Variants in PRH1 observed in about 807,000 individuals in gnomAD.
PRH1 encodes salivary acidic proline-rich phosphoprotein 1/2.
PRH1 carries 7 observed loss-of-function variants against 7.9 expected under a neutral mutation model. The ratio of observed to expected loss-of-function variants is 0.89; its 90% confidence interval spans 0.50 to 1.67. The LOEUF (loss-of-function observed/expected upper bound fraction) is 1.67, where lower values mean the gene tolerates loss of function less well. Ranked by LOEUF, PRH1 falls within the 40% of genes most tolerant of loss-of-function variation. The probability of loss-of-function intolerance (pLI) is 0.00; values close to 1 mark genes in which losing one functional copy is unlikely to be tolerated. For synonymous variants in PRH1, 45 were observed against 80.8 expected (o/e 0.56, Z 2.38); for missense variants, 109 against 223.6 (o/e 0.49, Z 3.27).
chr12:11,070,344 T>C (rs542254954), intron 1 of PRH1, among the ~76,000 whole-genome samples: 1 of 151,900 alleles, frequency 6.6e-6, no homozygotes, highest in African/African-American at 2.4e-5. Flanking sequence ...GTAAACACAC[T>C]GCGCATGCTC....
At chr12:10,988,979 T>C (rs1028630519) in intron 1 of PRH1, among the ~76,000 whole-genome samples, 35 of 152,146 alleles carry the variant, frequency 2.3e-4, no homozygotes, top group African/African-American at 8.5e-4. Context: ...GCTAACTTTT[T>C]GTATTTTTAG....
intron 1 of PRH1, among the ~76,000 whole-genome samples, chr12:11,127,486 C>G (rs144618885): frequency 1.6e-3 from 240 of 152,398 alleles, no homozygotes; most frequent in African/African-American, 5.5e-3. Flanking sequence ...GAGTGAATCC[C>G]AACTTTTCTA....
At chr12:10,949,965 T>C (rs1466736484) in intron 2 of PRH1, among the ~76,000 whole-genome samples, 3 of 152,214 alleles carry the variant, frequency 2.0e-5, no homozygotes, top group Non-Finnish European at 4.4e-5. Context: ...AAACTTCATA[T>C]AAATTGAATT....
In PRH1 at chr12:11,065,873, G is replaced by C. The variant is rs1289108713; in HGVS notation, n.124-18685C>G. On this transcript the variant is annotated intron_variant and non_coding_transcript_variant, in intron 1 of 4. Transcript: ENST00000541977. ...TGATTTGATGTGAGTAGCTTTTTTT[G>C]GATAGTAGCTTGTCTGTTGCTGGGT... 3.9e-5 allele frequency among the ~76,000 whole-genome samples: 6 copies of C among 152,222 alleles called. No individual in the cohort carries two copies. The East Asian group carries it at 1.2e-3, about 29-fold the overall frequency.
At chr12:11,076,256 G>A (rs73062938) in intron 1 of PRH1, among the ~76,000 whole-genome samples, 60,772 of 117,976 alleles carry the variant, frequency 0.52, 12,931 homozygotes, top group Non-Finnish European at 0.61. Context: ...CACACTTTGT[G>A]TCATTTCACC....
chr12:10,910,889 T>G (rs976245553), intron 2 of PRH1, among the ~76,000 whole-genome samples: 3 of 152,230 alleles, frequency 2.0e-5, no homozygotes, highest in Non-Finnish European at 2.9e-5. Context: ...TATTGGGTGA[T>G]CTACAGAGTA....
intron 1 of PRH1, among the ~76,000 whole-genome samples, chr12:11,129,676 C>A (rs1443369219): frequency 6.6e-6 from 1 of 152,286 alleles, no homozygotes; most frequent in Non-Finnish European, 1.5e-5. Flanking sequence ...GCTTCTGGTA[C>A]TTTTTGTGGG....
At chr12:10,935,170 TAC>T (rs1008995788) in intron 2 of PRH1, among the ~76,000 whole-genome samples, 2 of 152,162 alleles carry the variant, frequency 1.3e-5, no homozygotes, top group African/African-American at 2.4e-5. Flanking sequence ...AGTTCCCGTA[TAC>T]ACACACTTTG....
At chr12:10,986,728 C>A in intron 1 of PRH1, 1 of 1,613,058 alleles carries the variant, frequency 6.2e-7, no homozygotes, top group Non-Finnish European at 8.5e-7. Context: ...AGAATTTGGT[C>A]AGCTGAGGAG....
At chr12:10,887,392 C>G (rs1949508029), upstream of PRH1, among the ~76,000 whole-genome samples, 1 of 152,142 alleles carries the variant, frequency 6.6e-6, no homozygotes. Context: ...GAGACTTCAA[C>G]TTGCTTTGAC....
chr12:11,055,486 A>G (rs973109361), intron 1 of PRH1, among the ~76,000 whole-genome samples: 3 of 152,282 alleles, frequency 2.0e-5, no homozygotes, highest in African/African-American at 7.2e-5. Context: ...TTCTCTGACT[A>G]ATGTCAAGCA....
chr12:10,997,692 T>C, intron 1 of PRH1: 1 of 1,613,748 alleles, frequency 6.2e-7, no homozygotes, highest in Non-Finnish European at 8.5e-7. Context: ...TGTAATAATA[T>C]TACCCAGAGC....
rs764628405 is a variant in PRH1, at chr12:10,938,740, G to T, written c.-59+34915C>A. ...AAGTCTTGTTTCTTCTGTATCCATT[G>T]ATACTGGCATTTATATGGATGTTTA... is the stretch of plus-strand genomic sequence containing the variant. On this transcript the variant is annotated intron_variant, in intron 2 of 3. Transcript: ENST00000539853. The T allele has an allele frequency of 5.0e-6, 8 of 1,613,748 alleles. No individual in the cohort carries two copies. In the South Asian group the frequency reaches 8.8e-5, roughly 18 times the overall value.
chr12:10,929,429 G>A, intron 2 of PRH1: 1 of 1,498,998 alleles, frequency 6.7e-7, no homozygotes, highest in East Asian at 2.3e-5. Flanking sequence ...AGAGGAGGAT[G>A]AGAAAACAGA....
chr12:11,085,291 T>C (rs1009083510), intron 1 of PRH1, among the ~76,000 whole-genome samples: 5 of 151,014 alleles, frequency 3.3e-5, no homozygotes, highest in African/African-American at 1.2e-4. Context: ...AATTTCAGCA[T>C]TGTTTAACAA....
chr12:11,169,270 T>C (rs1367671950), intron 1 of PRH1, among the ~76,000 whole-genome samples: 1 of 152,230 alleles, frequency 6.6e-6, no homozygotes, highest in Non-Finnish European at 1.5e-5. Flanking sequence ...GAAGTGTGGA[T>C]TAGGCATTCA....
Position 11,168,206 on chromosome 12 carries a change from AAAGAAAG to A in PRH1, n.39+3209_39+3215del, listed in dbSNP as rs1193370220. The stretch of plus-strand genomic sequence containing the variant: ...TTAAAGCCATGGCAAAAAACGAAAG[AAAGAAAG>A]AAGAAAGAAAGAAAGAAAGAAAGAA... On this transcript the variant is annotated intron_variant and non_coding_transcript_variant, in intron 1 of 1. Coordinates refer to the PRH1 transcript ENST00000541175. Among the ~76,000 whole-genome samples, 56 of 39,854 alleles carry A rather than the reference AAAGAAAG, an allele frequency of 1.4e-3. 14 individuals are homozygous for A. In the East Asian group the frequency reaches 0.5, roughly 356 times the overall value. The allele number at this position is 39,854 out of a possible 152,430, so 26.1% of individuals were successfully genotyped here. A position where few individuals can be genotyped will look rare whatever the true frequency, so the allele number is the denominator to read the frequency against.
intron 1 of PRH1, chr12:11,134,089 C>G: frequency 6.2e-7 from 1 of 1,614,062 alleles, no homozygotes; most frequent in Non-Finnish European, 8.5e-7. Flanking sequence ...CTCTGGAGAC[C>G]GCCAGAGCAG....
At chr12:10,980,138 A>T (rs1939285031) in intron 1 of PRH1, among the ~76,000 whole-genome samples, 1 of 152,222 alleles carries the variant, frequency 6.6e-6, no homozygotes, top group Non-Finnish European at 1.5e-5. Context: ...CAAAAGAGAA[A>T]GAAAAAACAT....
Sources: allele counts gnomAD v4.1 joint callset (sites outside exome capture counted in the v4.1 genomes callset), GRCh38; gene constraint gnomAD v4.1.1; transcripts MANE v1.5; gene names NCBI Gene and HGNC (gene_info 2026-07-23, HGNC 2026-07-21).